The following ARFGEF1 variants were observed in gnomAD, a reference collection of about 807,000 sequenced individuals.
The protein encoded by ARFGEF1 is ARF guanine nucleotide exchange factor 1, also known as brefeldin A-inhibited guanine nucleotide-exchange protein 1.
A neutral mutation model predicts 231.0 loss-of-function variants in ARFGEF1; 42 were observed. That is an observed-to-expected ratio of 0.18 (90% CI 0.14 to 0.24). The LOEUF is 0.24. ARFGEF1 is among the 10% of genes least tolerant of loss of function. The probability of loss-of-function intolerance (pLI) is 1.00; values close to 1 mark genes in which losing one functional copy is unlikely to be tolerated. For synonymous variants in ARFGEF1, 710 were observed against 732.3 expected (o/e 0.97, Z 0.49); for missense variants, 1,345 against 2,192.0 (o/e 0.61, Z 7.72).
At chr8:67,301,938 G>A (rs1806509707) in intron 2 of ARFGEF1, among the ~76,000 whole-genome samples, 2 of 152,136 alleles carry the variant, frequency 1.3e-5, no homozygotes, top group Non-Finnish European at 2.9e-5. Context: ...AGAGTCTGGT[G>A]GCTCATGCCT....
At chr8:67,270,185 C>CT (rs1219194934) in intron 10 of ARFGEF1, among the ~76,000 whole-genome samples, 1 of 152,126 alleles carries the variant, frequency 6.6e-6, no homozygotes, top group Non-Finnish European at 1.5e-5. Flanking sequence ...CCTAGTTAAA[C>CT]GCCTTGTATT....
chr8:67,236,806 G>A (rs1399818132), intron 22 of ARFGEF1, among the ~76,000 whole-genome samples: 2 of 152,174 alleles, frequency 1.3e-5, no homozygotes, highest in Non-Finnish European at 2.9e-5. Flanking sequence ...AGGCCTCAAT[G>A]TGTGTATCTT....
At chr8:67,242,574 CT>C (rs1028454789) in intron 19 of ARFGEF1, among the ~76,000 whole-genome samples, 2 of 152,186 alleles carry the variant, frequency 1.3e-5, no homozygotes, top group African/African-American at 4.8e-5. Flanking sequence ...CACTGTGGGA[CT>C]CGGGTGAGAC....
At chr8:67,203,768 G>T (rs898196908) in intron 35 of ARFGEF1, among the ~76,000 whole-genome samples, 2 of 152,234 alleles carry the variant, frequency 1.3e-5, no homozygotes, top group Admixed American at 1.3e-4. Flanking sequence ...TCACATGGTA[G>T]ATGACTTTTC....
intron 18 of ARFGEF1, among the ~76,000 whole-genome samples, chr8:67,252,735 TTG>T (rs1471963765): frequency 2.0e-5 from 3 of 152,176 alleles, no homozygotes; most frequent in African/African-American, 7.2e-5. Context: ...GGGTTCACAG[TTG>T]CCTCCTGGTG....
chr8:67,243,561 A>G (rs1391116645), intron 19 of ARFGEF1, among the ~76,000 whole-genome samples: 5 of 152,220 alleles, frequency 3.3e-5, no homozygotes, highest in South Asian at 2.1e-4. Context: ...TATGGGAGCT[A>G]CAATTCAAGA....
At chr8:67,289,437 T>C (rs1296505512) in intron 6 of ARFGEF1, among the ~76,000 whole-genome samples, 1 of 150,836 alleles carries the variant, frequency 6.6e-6, no homozygotes, top group Non-Finnish European at 1.5e-5. Context: ...GCCTATAGTC[T>C]TAGTTACTTG....
chr8:67,194,668 C>T (rs1453330424), downstream of ARFGEF1, among the ~76,000 whole-genome samples: 1 of 150,740 alleles, frequency 6.6e-6, no homozygotes, highest in African/African-American at 2.4e-5. Context: ...CATACCAATC[C>T]TTCACAGACC....
At chr8:67,302,790 C>T (rs1052104154) in intron 1 of ARFGEF1, among the ~76,000 whole-genome samples, 1 of 150,730 alleles carries the variant, frequency 6.6e-6, no homozygotes, top group African/African-American at 2.4e-5. Context: ...ATATTAAGAA[C>T]AGGGCCAAGT....
chr8:67,339,795 C>CAGGGGG (rs1808524735), intron 1 of ARFGEF1, among the ~76,000 whole-genome samples: 1 of 14,274 alleles, frequency 7.0e-5, no homozygotes, highest in Non-Finnish European at 1.3e-4. Flanking sequence ...CAGTGTGGGG[C>CAGGGGG]GGGGGGGGGG....
At position 67,198,264 on chromosome 8, in the gene ARFGEF1, A is replaced by C; in HGVS notation, c.*670T>G. 1 of 985,754 alleles carries C rather than the reference A, an allele frequency of 1.0e-6. No homozygotes were observed. Among genetic ancestry groups the C allele is most frequent in the South Asian group, 4.7e-5 (1 of 21,288 alleles). The allele number at this position is 985,754 out of a possible 1,614,324, so 61.1% of individuals were successfully genotyped here. A position where few individuals can be genotyped will look rare whatever the true frequency, so the allele number is the denominator to read the frequency against. ...AACTAAAAATCCCTATAAAATAAAA[A>C]AGAAAGTTCCACCCAAATGTTTAGT... On this transcript the variant is annotated 3_prime_UTR_variant, in exon 39 of 39. Coordinates refer to ENST00000262215, the MANE Select transcript of ARFGEF1 (RefSeq NM_006421.5).
chr8:67,337,620 A>T (rs1410426792), intron 1 of ARFGEF1, among the ~76,000 whole-genome samples: 1 of 151,394 alleles, frequency 6.6e-6, no homozygotes. Flanking sequence ...ATCCTGAAAC[A>T]CACCAAGCAC....
At chr8:67,330,809 T>C (rs1181659183) in intron 1 of ARFGEF1, among the ~76,000 whole-genome samples, 2 of 152,190 alleles carry the variant, frequency 1.3e-5, no homozygotes, top group Non-Finnish European at 2.9e-5. Flanking sequence ...TGTTGCTTTC[T>C]GATACTGCAT....
At chr8:67,289,690 A>C (rs1216427230) in intron 6 of ARFGEF1, among the ~76,000 whole-genome samples, 1 of 152,140 alleles carries the variant, frequency 6.6e-6, no homozygotes, top group African/African-American at 2.4e-5. Context: ...AAAATACTGA[A>C]TGCCACAAGA....
Position 67,240,221 on chromosome 8 carries a change from A to G in ARFGEF1, c.2920T>C (p.Ser974Pro). 6.2e-7 allele frequency: 1 copy of G among 1,613,270 alleles called. No homozygotes were observed. The highest frequency in any genetic ancestry group is 8.5e-7 in the Non-Finnish European group (1 of 1,179,706). ...CATCTTATACCTTCCAGGCAAAGAG[A>G]GGCTACTTCAGTATCATCACAATCT... ...LQDCDDTEVASLCLEGIRCAI... is the reference protein window; with the variant it reads ...LQDCDDTEVAPLCLEGIRCAI... The change falls in exon 20 of 39, where the codon TCT (serine) becomes CCT (proline). Residue 974 changes from serine (S) to proline (P), a missense_variant. Physicochemically the swap from Ser to Pro is moderately conservative, Grantham distance 74 (BLOSUM62 -1). Coordinates refer to ENST00000262215, the MANE Select transcript of ARFGEF1 (RefSeq NM_006421.5).
chr8:67,240,167 T>C lies in ARFGEF1; in HGVS notation c.2974A>G (p.Ile992Val). The C allele has an allele frequency of 6.2e-7, 1 of 1,608,556 alleles. No homozygotes were observed. Among genetic ancestry groups the C allele is most frequent in the Non-Finnish European group, 8.5e-7 (1 of 1,178,792 alleles). ...CAIRIACIFS[I>V]QLERDAYVQA... ...AAGACAAAATTCTCTGTTACCTGAA[T>C]GCTGAAAATGCATGCAATTCTGATT... The change falls in exon 20 of 39, where the codon ATT (isoleucine) becomes GTT (valine). Residue 992 changes from isoleucine (I) to valine (V), a missense_variant. Ile to Val is a conservative substitution (Grantham distance 29, BLOSUM62 3). Transcript: ENST00000262215.
At chr8:67,286,461 C>T (rs1341019611) in intron 7 of ARFGEF1, among the ~76,000 whole-genome samples, 3 of 152,092 alleles carry the variant, frequency 2.0e-5, no homozygotes, top group Non-Finnish European at 4.4e-5. Flanking sequence ...CTTTAGAGGT[C>T]GTACAATCTC....
chr8:67,323,548 T>C (rs1807691986), intron 1 of ARFGEF1, among the ~76,000 whole-genome samples: 1 of 152,192 alleles, frequency 6.6e-6, no homozygotes, highest in Admixed American at 6.5e-5. Flanking sequence ...AATGTGCTTA[T>C]TTTCTCATAC....
intron 1 of ARFGEF1, among the ~76,000 whole-genome samples, chr8:67,310,299 G>T (rs1806942530): frequency 6.6e-6 from 1 of 152,222 alleles, no homozygotes; most frequent in South Asian, 2.1e-4. Flanking sequence ...GGGTTTCGCT[G>T]TGTTGGCCGG....
Sources: allele counts gnomAD v4.1 joint callset (sites outside exome capture counted in the v4.1 genomes callset), GRCh38; gene constraint gnomAD v4.1.1; transcripts MANE v1.5; gene names NCBI Gene and HGNC (gene_info 2026-07-23, HGNC 2026-07-21).